The following FNDC3A variants were observed in gnomAD, a reference collection of about 807,000 sequenced individuals.
The protein encoded by FNDC3A is fibronectin type-III domain-containing protein 3A.
Under a neutral mutation model 148.9 loss-of-function variants are expected in FNDC3A, and 32 were observed. That is an observed-to-expected ratio of 0.21 (90% CI 0.16 to 0.29). FNDC3A has a LOEUF of 0.29. Among genes scored for constraint, FNDC3A ranks in the 10% least tolerant of loss-of-function variants. FNDC3A has a pLI of 1.00. For missense variants in FNDC3A, 1,191 were observed against 1,452.8 expected (o/e 0.82, Z 2.93); for synonymous variants, 472 against 473.6 (o/e 1.00, Z 0.04).
intron 2 of FNDC3A, among the ~76,000 whole-genome samples, chr13:49,057,133 G>C (rs528892715): frequency 5.9e-5 from 9 of 152,234 alleles, no homozygotes; most frequent in African/African-American, 2.2e-4. Flanking sequence ...TTGTCTAGGG[G>C]TTTCTAGATT....
At chr13:49,039,484 C>G (rs1422426944) in intron 2 of FNDC3A, among the ~76,000 whole-genome samples, 2 of 152,096 alleles carry the variant, frequency 1.3e-5, no homozygotes. Flanking sequence ...ACTTAGTTTT[C>G]TCCCCCAAGT....
At position 49,136,408 on chromosome 13, in the gene FNDC3A, A is replaced by C. The variant is rs745693809; in HGVS notation, c.567A>C (p.Lys189Asn). 6.2e-7 allele frequency: 1 copy of C among 1,614,134 alleles called. No homozygotes were observed. The highest frequency in any genetic ancestry group is 1.7e-5 in the Admixed American group (1 of 60,024). The change falls in exon 6 of 26, where the codon AAA (lysine) becomes AAC (asparagine). Residue 189 changes from lysine (K) to asparagine (N), a missense_variant. Lys to Asn is a moderately conservative substitution (Grantham distance 94). Coordinates refer to ENST00000492622, the MANE Select transcript of FNDC3A (RefSeq NM_001079673.2). ...AAACATATGAACGTTTGCAGAAAAA[A>C]TTGAAGGATCGCCAAGGAACACAGA... ...SSKTYERLQK[K>N]LKDRQGTQKD...
intron 2 of FNDC3A, among the ~76,000 whole-genome samples, chr13:49,051,522 G>A (rs1421193030): frequency 6.6e-6 from 1 of 152,174 alleles, no homozygotes; most frequent in Admixed American, 6.5e-5. Context: ...AGCTTGTAGG[G>A]ATTCTGCTGA....
Position 49,175,496 on chromosome 13 carries a change from A to C in FNDC3A, c.1485A>C (p.Ser495=). The C allele has an allele frequency of 3.1e-6, 5 of 1,611,474 alleles. No homozygotes were observed. The highest frequency in any genetic ancestry group is 4.2e-6 in the Non-Finnish European group (5 of 1,178,822). The change falls in exon 13 of 26, where the codon TCA becomes TCC. Residue 495 remains serine (S), a synonymous_variant. Coordinates refer to ENST00000492622, the MANE Select transcript of FNDC3A (RefSeq NM_001079673.2). The part of the protein sequence containing the change: ...LQWSKPSGTP[S]DEGISYILEM... ...GGAGTAAGCCCTCAGGAACACCATC[A>C]GATGAAGGAATTTCTTACATTTTAG...
At chr13:49,154,242 G>T (rs1049081907) in intron 8 of FNDC3A, among the ~76,000 whole-genome samples, 4 of 148,592 alleles carry the variant, frequency 2.7e-5, no homozygotes, top group Non-Finnish European at 6.0e-5. Flanking sequence ...CACATCCCTT[G>T]TAAGTTGGAT....
At chr13:49,049,625 C>A (rs985445912) in intron 2 of FNDC3A, among the ~76,000 whole-genome samples, 1 of 152,070 alleles carries the variant, frequency 6.6e-6, no homozygotes, top group Non-Finnish European at 1.5e-5. Flanking sequence ...CTTGAATAAT[C>A]TTTTGTATGT....
At chr13:48,991,514 A>G (rs149066184) in intron 1 of FNDC3A, among the ~76,000 whole-genome samples, 1 of 151,844 alleles carries the variant, frequency 6.6e-6, no homozygotes, top group South Asian at 2.1e-4. Context: ...TGGTGAAACT[A>G]CGTCTCTACA....
intron 5 of FNDC3A, among the ~76,000 whole-genome samples, chr13:49,134,545 G>C (rs1285683849): frequency 6.6e-6 from 1 of 151,964 alleles, no homozygotes; most frequent in East Asian, 1.9e-4. Context: ...TTCCGGGTAT[G>C]TGCCTCAGAG....
Position 49,207,265 on chromosome 13 carries a change from G to A in FNDC3A, c.3467G>A (p.Arg1156Lys). 6.2e-7 allele frequency: 1 copy of A among 1,614,210 alleles called. No homozygotes were observed. The highest frequency in any genetic ancestry group is 2.2e-5 in the East Asian group (1 of 44,880). The change falls in exon 26 of 26, where the codon AGA (arginine) becomes AAA (lysine). Residue 1156 changes from arginine to lysine, a missense_variant. Transcript: ENST00000492622. ...ACTGAACCACCAGCCAGCACCAACA[G>A]AGACACTGTGGAAAGCACAAGGACC... is the stretch of plus-strand genomic sequence containing the variant. ...QRTEPPASTN[R>K]DTVESTRTRR...
chr13:49,160,116 G>A (rs966562263), intron 8 of FNDC3A, among the ~76,000 whole-genome samples: 19 of 152,134 alleles, frequency 1.2e-4, no homozygotes, highest in Non-Finnish European at 2.2e-4. Flanking sequence ...TTGGTATCAG[G>A]ATGATGCTGG....
At chr13:49,066,543 C>T (rs1225221333) in intron 2 of FNDC3A, among the ~76,000 whole-genome samples, 1 of 152,130 alleles carries the variant, frequency 6.6e-6, no homozygotes, top group Admixed American at 6.5e-5. Context: ...AGCCCTGTGG[C>T]AAAATCATTA....
intron 2 of FNDC3A, among the ~76,000 whole-genome samples, chr13:49,030,828 A>G (rs771873251): frequency 6.6e-6 from 1 of 152,228 alleles, no homozygotes; most frequent in Non-Finnish European, 1.5e-5. Flanking sequence ...ACTGAAAACC[A>G]TAAAACTCAC....
intron 11 of FNDC3A, among the ~76,000 whole-genome samples, chr13:49,172,910 T>TAC (rs1884836840): frequency 6.6e-6 from 1 of 152,216 alleles, no homozygotes; most frequent in African/African-American, 2.4e-5. Flanking sequence ...CACAAAATAC[T>TAC]ACATTTGTGC....
chr13:49,161,396 G>A (rs1308985615), intron 8 of FNDC3A, among the ~76,000 whole-genome samples: 1 of 152,076 alleles, frequency 6.6e-6, no homozygotes, highest in Non-Finnish European at 1.5e-5. Flanking sequence ...TTTAAAGTCG[G>A]TTTTATTGGA....
intron 4 of FNDC3A, among the ~76,000 whole-genome samples, chr13:49,119,369 G>T (rs1566262409): frequency 1.3e-5 from 2 of 152,114 alleles, no homozygotes; most frequent in African/African-American, 4.8e-5. Context: ...AAGGCCAAAG[G>T]TAGATAAATC....
At chr13:49,044,708 C>T (rs1875225663) in intron 2 of FNDC3A, 1 of 268,418 alleles carries the variant, frequency 3.7e-6, no homozygotes, top group South Asian at 4.4e-5. Context: ...CTTGATTTCT[C>T]ATTTGAATGG....
At chr13:49,182,537 ATTTTTTTTTCTT>A (rs904043856) in intron 14 of FNDC3A, among the ~76,000 whole-genome samples, 7 of 149,328 alleles carry the variant, frequency 4.7e-5, no homozygotes, top group Non-Finnish European at 1.0e-4. Context: ...GCCTTCTGGG[ATTTTTTTTTCTT>A]TTTTTTTTTC....
At chr13:49,026,427 T>A (rs2137654090) in intron 2 of FNDC3A, among the ~76,000 whole-genome samples, 1 of 152,344 alleles carries the variant, frequency 6.6e-6, no homozygotes, top group South Asian at 2.1e-4. Flanking sequence ...ATGTTTAAAA[T>A]ATGATAAAAA....
At chr13:49,073,410 G>A (rs1393327602) in intron 2 of FNDC3A, among the ~76,000 whole-genome samples, 1 of 151,810 alleles carries the variant, frequency 6.6e-6, no homozygotes, top group African/African-American at 2.4e-5. Flanking sequence ...AATAGTACAG[G>A]TTGGGCATCC....
Sources: gnomAD v4.1 joint callset for allele counts (sites outside exome capture counted in the v4.1 genomes callset) on GRCh38, gnomAD v4.1.1 for gene constraint, MANE v1.5 for transcripts, NCBI Gene and HGNC (gene_info 2026-07-23, HGNC 2026-07-21) for gene names.